The following CTNNA2 variants were observed in gnomAD, a reference collection of about 807,000 sequenced individuals.
The protein encoded by CTNNA2 is catenin alpha 2, also known as catenin alpha-2.
In CTNNA2, 42 loss-of-function variants were observed where a neutral mutation model predicts 101.0. That is an observed-to-expected ratio of 0.42 (90% CI 0.32 to 0.54). The LOEUF is 0.54. CTNNA2 is among the 20% of genes least tolerant of loss of function. The pLI, the probability that CTNNA2 is intolerant of heterozygous loss-of-function variation, is 0.14. For synonymous variants in CTNNA2, 450 were observed against 456.4 expected (o/e 0.99, Z 0.18); for missense variants, 871 against 1,223.1 (o/e 0.71, Z 4.29).
At chr2:80,345,394 G>A (rs2149286434) in intron 7 of CTNNA2, among the ~76,000 whole-genome samples, 1 of 152,202 alleles carries the variant, frequency 6.6e-6, no homozygotes, top group Non-Finnish European at 1.5e-5. Flanking sequence ...CTCAGTCTTT[G>A]CTCAAGTGGC....
intron 2 of CTNNA2, among the ~76,000 whole-genome samples, chr2:79,220,447 C>A (rs566275268): frequency 2.4e-4 from 37 of 152,206 alleles, no homozygotes; most frequent in Non-Finnish European, 3.4e-4. Context: ...CCTCAACGAG[C>A]AGCTCCAGGA....
At chr2:80,513,897 T>C (rs972450812) in intron 9 of CTNNA2, among the ~76,000 whole-genome samples, 8 of 152,220 alleles carry the variant, frequency 5.3e-5, no homozygotes, top group Non-Finnish European at 8.8e-5. Context: ...GGATATTTCT[T>C]CTTCAGTATC....
At chr2:79,388,317 A>C (rs2104469649) in intron 4 of CTNNA2, among the ~76,000 whole-genome samples, 1 of 152,280 alleles carries the variant, frequency 6.6e-6, no homozygotes, top group South Asian at 2.1e-4. Flanking sequence ...GTCTTAAATT[A>C]GTAATTAATG....
intron 5 of CTNNA2, among the ~76,000 whole-genome samples, chr2:79,506,721 C>A (rs529736348): frequency 7.9e-5 from 12 of 152,270 alleles, no homozygotes; most frequent in African/African-American, 2.9e-4. Context: ...TTTGGTAATT[C>A]AAAGTGGTAG....
At chr2:80,246,719 A>T (rs1408638597) in intron 7 of CTNNA2, among the ~76,000 whole-genome samples, 2 of 152,222 alleles carry the variant, frequency 1.3e-5, no homozygotes, top group Non-Finnish European at 2.9e-5. Context: ...ATTAGGCATG[A>T]TGCTAGATCT....
chr2:79,705,899 A>G (rs1392096565), intron 2 of CTNNA2, among the ~76,000 whole-genome samples: 1 of 152,212 alleles, frequency 6.6e-6, no homozygotes, highest in Non-Finnish European at 1.5e-5. Flanking sequence ...TTATGAATCA[A>G]TAAGTAGTTA....
At chr2:80,580,148 T>C (rs1404484803) in intron 13 of CTNNA2, among the ~76,000 whole-genome samples, 1 of 152,130 alleles carries the variant, frequency 6.6e-6, no homozygotes, top group Non-Finnish European at 1.5e-5. Flanking sequence ...ATGGAGAAAA[T>C]AATGTCTACA....
chr2:79,335,931 G>A (rs1328734955), intron 3 of CTNNA2, among the ~76,000 whole-genome samples: 1 of 152,170 alleles, frequency 6.6e-6, no homozygotes, highest in Admixed American at 6.5e-5. Context: ...TGAGAGACAG[G>A]AAGTCAAAAG....
chr2:79,589,670 C>T (rs1004563839), intron 1 of CTNNA2, among the ~76,000 whole-genome samples: 4 of 151,552 alleles, frequency 2.6e-5, no homozygotes, highest in African/African-American at 9.7e-5. Flanking sequence ...CGATGTATGG[C>T]CTGAATCATA....
At chr2:79,709,242 A>G (rs1177730280) in intron 2 of CTNNA2, among the ~76,000 whole-genome samples, 3 of 152,210 alleles carry the variant, frequency 2.0e-5, no homozygotes, top group Admixed American at 6.5e-5. Flanking sequence ...TTACTCAAAG[A>G]TCATTTTCTC....
intron 2 of CTNNA2, among the ~76,000 whole-genome samples, chr2:79,680,629 G>A (rs113411239): frequency 5.3e-5 from 8 of 152,264 alleles, no homozygotes; most frequent in African/African-American, 1.9e-4. Flanking sequence ...GCCTCATGGA[G>A]GCCATTGTTT....
chr2:80,009,888 A>G (rs1043189453), intron 7 of CTNNA2, among the ~76,000 whole-genome samples: 1 of 152,098 alleles, frequency 6.6e-6, no homozygotes, highest in Non-Finnish European at 1.5e-5. Context: ...TTTATAGAGG[A>G]CAGACTTGGG....
At chr2:80,393,376 A>G (rs1573932223) in intron 8 of CTNNA2, 85 bp downstream of exon 8, 1 of 954,718 alleles carries the variant, frequency 1.0e-6, no homozygotes, top group African/African-American at 1.7e-5. Context: ...CTTCTTGGAG[A>G]TGACAATGAG....
At chr2:79,644,176 C>G (rs975981823) in intron 1 of CTNNA2, among the ~76,000 whole-genome samples, 2 of 151,936 alleles carry the variant, frequency 1.3e-5, no homozygotes, top group African/African-American at 4.8e-5. Context: ...TAGCTGGGAT[C>G]ACAGGTGGCC....
chr2:80,645,455 G>A (rs1005433722), intron 18 of CTNNA2, among the ~76,000 whole-genome samples: 2 of 152,124 alleles, frequency 1.3e-5, no homozygotes, highest in Non-Finnish European at 2.9e-5. Flanking sequence ...TGAAATCACT[G>A]GATAAAGTAA....
chr2:79,875,268 G>C (rs955734767), intron 6 of CTNNA2, among the ~76,000 whole-genome samples: 1 of 152,108 alleles, frequency 6.6e-6, no homozygotes, highest in Non-Finnish European at 1.5e-5. Flanking sequence ...CATTCCCCCC[G>C]GGTCAGAGGA....
At chr2:79,629,068 C>T (rs541618891) in intron 1 of CTNNA2, among the ~76,000 whole-genome samples, 2 of 152,178 alleles carry the variant, frequency 1.3e-5, no homozygotes, top group African/African-American at 4.8e-5. Context: ...GACCTCCTGT[C>T]TCCTTCCCCA....
intron 7 of CTNNA2, among the ~76,000 whole-genome samples, chr2:80,249,624 C>T (rs1671600945): frequency 6.6e-6 from 1 of 152,110 alleles, no homozygotes; most frequent in Admixed American, 6.5e-5. Flanking sequence ...ATAGGTGGCT[C>T]ACGGTCACAC....
chr2:80,380,393 G>C (rs1676410774), intron 7 of CTNNA2, among the ~76,000 whole-genome samples: 1 of 152,086 alleles, frequency 6.6e-6, no homozygotes, highest in Non-Finnish European at 1.5e-5. Context: ...AGACAGGGAG[G>C]AACAACTGAG....
Sources: gnomAD v4.1 joint callset for allele counts (sites outside exome capture counted in the v4.1 genomes callset) on GRCh38, gnomAD v4.1.1 for gene constraint, MANE v1.5 for transcripts, NCBI Gene and HGNC (gene_info 2026-07-23, HGNC 2026-07-21) for gene names.